Variants in MED12L observed in about 807,000 individuals in gnomAD.
The protein encoded by MED12L is mediator complex subunit 12L.
Under a neutral mutation model 281.3 loss-of-function variants are expected in MED12L, and 60 were observed. That is an observed-to-expected ratio of 0.21 (90% CI 0.17 to 0.26). The LOEUF (loss-of-function observed/expected upper bound fraction) is 0.26, where lower values mean the gene tolerates loss of function less well. Ranked by LOEUF, MED12L falls within the 10% of genes least tolerant of loss-of-function variation. The probability of loss-of-function intolerance (pLI) is 1.00; values close to 1 mark genes in which losing one functional copy is unlikely to be tolerated. For missense variants in MED12L, 2,146 were observed against 2,680.9 expected (o/e 0.80, Z 4.41); for synonymous variants, 974 against 987.2 (o/e 0.99, Z 0.25).
chr3:151,423,498 TATCAATGCCTGTGTTGCCATC>T lies in MED12L; in HGVS notation c.6409-6800_6409-6780del, dbSNP rs1718516383. 3.3e-5 allele frequency among the ~76,000 whole-genome samples: 5 copies of T among 152,214 alleles called. No individual in the cohort carries two copies. The South Asian group carries it at 6.2e-4, about 19-fold the overall frequency. ...CAAATTAAATCTGGTCTGGACTTAATATCAATGCCTGTGTTGCCATCTACTTACTTCAGTTGCTTGTATTCT... is the reference window on the plus strand; with the variant it reads ...CAAATTAAATCTGGTCTGGACTTAATTACTTACTTCAGTTGCTTGTATTCT... On this transcript the variant is annotated intron_variant, in intron 43 of 44. Transcript: ENST00000687756.
intron 5 of MED12L, among the ~76,000 whole-genome samples, chr3:151,140,385 A>G (rs1348588198): frequency 6.6e-6 from 1 of 152,196 alleles, no homozygotes; most frequent in African/African-American, 2.4e-5. Flanking sequence ...GAAACTGCCC[A>G]TTGAACAACT....
intron 16 of MED12L, chr3:151,338,907 T>G (rs1751418309): frequency 6.5e-7 from 1 of 1,533,824 alleles, no homozygotes; most frequent in African/African-American, 1.4e-5. Flanking sequence ...AGGTAGTTAT[T>G]ATTGCTGTTA....
intron 16 of MED12L, among the ~76,000 whole-genome samples, chr3:151,276,817 C>G (rs1015051249): frequency 3.9e-5 from 6 of 152,208 alleles, no homozygotes; most frequent in Non-Finnish European, 7.3e-5. Flanking sequence ...ATACTTCTTC[C>G]TCTGCACCCG....
chr3:151,096,728 A>G (rs1720769200), intron 2 of MED12L, among the ~76,000 whole-genome samples: 2 of 152,244 alleles, frequency 1.3e-5, no homozygotes, highest in South Asian at 2.1e-4. Flanking sequence ...ATCTCATTCA[A>G]TACAAAAGGA....
At chr3:151,098,547 T>C (rs1054087069) in intron 2 of MED12L, among the ~76,000 whole-genome samples, 2 of 152,194 alleles carry the variant, frequency 1.3e-5, no homozygotes, top group African/African-American at 4.8e-5. Flanking sequence ...TTGACTTGTG[T>C]CCACACATCA....
Position 151,388,256 on chromosome 3 carries a change from A to G in MED12L, c.5451+84A>G, listed in dbSNP as rs558980159. 156 of 1,479,648 alleles carry G rather than the reference A, an allele frequency of 1.1e-4. No individual in the cohort carries two copies. In the African/African-American group the frequency reaches 1.4e-3, roughly 14 times the overall value. 91.7% of individuals were successfully genotyped at this position (1,479,648 alleles called of 1,614,324 possible). ...GTGCCCAAATCATATCCCTCGAAAC[A>G]TTACCAAGAGCAGGATAAGTTTTGT... On this transcript the variant is annotated intron_variant, in intron 37 of 44. Transcript: ENST00000687756.
intron 16 of MED12L, among the ~76,000 whole-genome samples, chr3:151,225,091 A>G (rs925736485): frequency 3.9e-5 from 6 of 151,996 alleles, no homozygotes; most frequent in Non-Finnish European, 2.9e-5. Context: ...AACTTCTTTC[A>G]CCCTGCCTAT....
chr3:151,360,847 T>C (rs1315895680), intron 21 of MED12L, among the ~76,000 whole-genome samples: 1 of 152,130 alleles, frequency 6.6e-6, no homozygotes, highest in Admixed American at 6.6e-5. Context: ...AATATTGAAA[T>C]GATGTTAGGT....
intron 40 of MED12L, among the ~76,000 whole-genome samples, chr3:151,410,316 A>G (rs902622676): frequency 4.6e-5 from 7 of 152,220 alleles, no homozygotes; most frequent in African/African-American, 1.4e-4. Flanking sequence ...GGGTGTTGGC[A>G]AGATTGCTAG....
chr3:151,421,738 C>T (rs114697191), intron 43 of MED12L, among the ~76,000 whole-genome samples: 4,219 of 152,028 alleles, frequency 0.028, 184 homozygotes, highest in African/African-American at 0.095. Context: ...TTTTATCTTT[C>T]GGTATTTTTC....
chr3:151,170,501 C>T, intron 11 of MED12L, among the ~76,000 whole-genome samples: 1 of 151,950 alleles, frequency 6.6e-6, no homozygotes, highest in African/African-American at 2.4e-5. Flanking sequence ...TTCTTGAACT[C>T]TTGACCTCGT....
chr3:151,278,989 T>C (rs1349274353), intron 16 of MED12L, among the ~76,000 whole-genome samples: 2 of 152,232 alleles, frequency 1.3e-5, no homozygotes, highest in South Asian at 2.1e-4. Flanking sequence ...GTTTGTGCTG[T>C]GTTACTATTT....
intron 23 of MED12L, among the ~76,000 whole-genome samples, chr3:151,366,442 C>G (rs944797781): frequency 1.3e-5 from 2 of 152,134 alleles, no homozygotes; most frequent in African/African-American, 4.8e-5. Flanking sequence ...ATAAGAATGT[C>G]CAGGTCTAGA....
chr3:151,118,229 A>G (rs1255669431), intron 3 of MED12L, among the ~76,000 whole-genome samples: 3 of 152,196 alleles, frequency 2.0e-5, no homozygotes, highest in African/African-American at 7.2e-5. Context: ...ACAAATGAAA[A>G]GAAATCAGAC....
At chr3:151,346,326 A>G (rs1752530807) in intron 16 of MED12L, among the ~76,000 whole-genome samples, 1 of 152,122 alleles carries the variant, frequency 6.6e-6, no homozygotes, top group African/African-American at 2.4e-5. Context: ...TTTATTTGAA[A>G]GATAGGTCTG....
In MED12L at chr3:151,394,819, G is replaced by GCAGCAA. The variant is rs1714745472; in HGVS notation, c.5777_5782dup (p.Gln1926_Gln1927dup). ...TACAGATGAAGCTTCTGCAGCAGCAGCAGCAACAGCGACTTCTCAGGCAAG... is the reference window on the plus strand; with the variant it reads ...TACAGATGAAGCTTCTGCAGCAGCAGCAGCAACAGCAACAGCGACTTCTCAGGCAAG... On this transcript the variant is annotated inframe_insertion, in exon 39 of 45. Transcript: ENST00000687756. 6.2e-7 allele frequency: 1 copy of GCAGCAA among 1,614,182 alleles called. No individual in the cohort carries two copies. Among genetic ancestry groups the GCAGCAA allele is most frequent in the Admixed American group, 1.7e-5 (1 of 60,036 alleles).
intron 11 of MED12L, among the ~76,000 whole-genome samples, chr3:151,168,340 T>C (rs767532517): frequency 6.6e-6 from 1 of 152,270 alleles, no homozygotes; most frequent in East Asian, 1.9e-4. Flanking sequence ...TATAAATAAG[T>C]GTGTGTTGAA....
chr3:151,251,693 C>T (rs1736890319), intron 16 of MED12L, among the ~76,000 whole-genome samples: 2 of 152,192 alleles, frequency 1.3e-5, no homozygotes, highest in Admixed American at 1.3e-4. Flanking sequence ...CTGTGAATAT[C>T]TGTGGTTCTT....
At position 151,435,546 on chromosome 3, in the gene MED12L, T is replaced by C. The variant is rs890343614; in HGVS notation, c.*2742T>C. 1.3e-5 allele frequency: 2 copies of C among 152,130 alleles called. No individual in the cohort carries two copies. Among genetic ancestry groups the C allele is most frequent in the African/African-American group, 4.8e-5 (2 of 41,430 alleles). 9.4% of individuals were successfully genotyped at this position (152,130 alleles called of 1,614,324 possible). ...AAATGATTGGCAGGGGCTAACTTAT[T>C]AGTAATTCTCGGTTTTGTGCACTGA... On this transcript the variant is annotated 3_prime_UTR_variant, in exon 45 of 45. Coordinates refer to ENST00000687756, the MANE Select transcript of MED12L (RefSeq NM_001393769.1).
Sources: gnomAD v4.1 joint callset for allele counts (sites outside exome capture counted in the v4.1 genomes callset) on GRCh38, gnomAD v4.1.1 for gene constraint, MANE v1.5 for transcripts, NCBI Gene and HGNC (gene_info 2026-07-23, HGNC 2026-07-21) for gene names.